Variants in RPGR observed in about 807,000 individuals in gnomAD.
RPGR encodes the protein retinitis pigmentosa GTPase regulator.
Under a neutral mutation model 56.3 loss-of-function variants are expected in RPGR, and 10 were observed. The ratio of observed to expected loss-of-function variants is 0.18; its 90% CI spans 0.11 to 0.30. The LOEUF (loss-of-function observed/expected upper bound fraction) is 0.30. Among genes scored for constraint, RPGR ranks in the 10% least tolerant of loss-of-function variants. RPGR has a pLI of 1.00. For synonymous variants in RPGR, 197 were observed against 212.9 expected, an observed-to-expected ratio of 0.93 and a Z score of 0.65; for missense variants, 538 against 590.9, an observed-to-expected ratio of 0.91 and a Z score of 0.93.
intron 8 of RPGR, among the ~76,000 whole-genome samples, chrX:38,303,326 A>AG (rs1402062019): frequency 9.0e-6 from 1 of 111,394 alleles, no homozygotes; most frequent in African/African-American, 3.3e-5. Flanking sequence ...GGAAAAAAAA[A>AG]AAAAATTCCA....
intron 11 of RPGR, among the ~76,000 whole-genome samples, chrX:38,294,890 C>G (rs1450077970): frequency 1.8e-5 from 2 of 111,999 alleles, no homozygotes; most frequent in Admixed American, 1.9e-4. Flanking sequence ...CATACACTAT[C>G]ATCTCCTGCA....
At chrX:38,272,836 A>G (rs935618041) in intron 18 of RPGR, among the ~76,000 whole-genome samples, 1 of 112,096 alleles carries the variant, frequency 8.9e-6, no homozygotes, top group African/African-American at 3.2e-5. Flanking sequence ...AGAAACTAAA[A>G]GTTTTAACTG....
intron 5 of RPGR, 152 bp from the exon 6 acceptor site, chrX:38,317,617 T>G: frequency 1.1e-5 from 5 of 468,412 alleles, no homozygotes; most frequent in Non-Finnish European, 1.1e-5. Flanking sequence ...ACCAGCTAGC[T>G]ACTTAAGAGT....
chrX:38,324,309 C>G (rs1030240157), intron 1 of RPGR, among the ~76,000 whole-genome samples: 1 of 110,972 alleles, frequency 9.0e-6, no homozygotes, highest in Admixed American at 9.6e-5. Flanking sequence ...GTCTCAAACT[C>G]CTGGTCTCAG....
chrX:38,277,704 T>A (rs1470301185), intron 15 of RPGR, among the ~76,000 whole-genome samples: 1 of 112,035 alleles, frequency 8.9e-6, no homozygotes, highest in African/African-American at 3.2e-5. Flanking sequence ...CTTGGCAATA[T>A]TTGCTTCAGA....
chrX:38,321,380 T>G (rs1258305956), intron 3 of RPGR, among the ~76,000 whole-genome samples: 1 of 111,424 alleles, frequency 9.0e-6, no homozygotes. Context: ...ACTCCACAGG[T>G]AGGCCGGGTG....
At chrX:38,318,453 T>C (rs1320486304) in intron 5 of RPGR, among the ~76,000 whole-genome samples, 1 of 111,092 alleles carries the variant, frequency 9.0e-6, no homozygotes, top group Non-Finnish European at 1.9e-5. Context: ...TAACAACATA[T>C]GCTGCAACAG....
intron 2 of RPGR, 51 bp from the exon 3 acceptor site, chrX:38,322,996 T>C (rs1569261935): frequency 2.9e-5 from 26 of 894,080 alleles, no homozygotes; most frequent in Non-Finnish European, 4.1e-5. Context: ...TCACATAATG[T>C]AAGATGAGGT....
intron 2 of RPGR, 96 bp from the exon 3 acceptor site, chrX:38,323,041 T>C: frequency 1.5e-6 from 1 of 666,939 alleles, no homozygotes; most frequent in South Asian, 2.3e-5. Context: ...ACTTTTAAAA[T>C]GTCACTGCTT....
At chrX:38,317,517 C>T (rs747533373) in intron 5 of RPGR, 52 bp from the exon 6 acceptor site, 1 of 1,068,266 alleles carries the variant, frequency 9.4e-7, no homozygotes, top group Non-Finnish European at 1.3e-6. Context: ...TAGCCAGGCT[C>T]TGAAGCTATT....
chrX:38,323,640 C>T, intron 1 of RPGR, 116 bp from the exon 2 acceptor site: 1 of 790,480 alleles, frequency 1.3e-6, no homozygotes, highest in African/African-American at 2.1e-5. Flanking sequence ...TTTGCCCCCA[C>T]TCTGGCAATG....
intron 11 of RPGR, among the ~76,000 whole-genome samples, chrX:38,294,806 T>C (rs938125451): frequency 1.8e-5 from 2 of 112,545 alleles, no homozygotes; most frequent in African/African-American, 6.5e-5. Flanking sequence ...GGTTGGTTTT[T>C]ATGTCTATAA....
At chrX:38,312,710 G>A (rs1375829379) in intron 6 of RPGR, among the ~76,000 whole-genome samples, 1 of 111,696 alleles carries the variant, frequency 9.0e-6, no homozygotes, top group African/African-American at 3.3e-5. Flanking sequence ...TTGGGAGGCC[G>A]AGGCTGGTGG....
In RPGR at chrX:38,299,077, A is replaced by C. The variant is rs1029476600; in HGVS notation, c.1124T>G (p.Ile375Ser). ...AGTATCATTTATTTCATCGAATTCA[A>C]TTTCTTTTGCCACACCACGATGAGG... The change falls in exon 10 of 19, where the codon ATT (isoleucine) becomes AGT (serine). Residue 375 changes from isoleucine (I) to serine (S), a missense_variant. Around this residue, in one of 2 missense-constraint regions of RPGR, gnomAD observed 357 missense variants for 325.8 expected, o/e 1.10. Coordinates refer to ENST00000642395, the MANE Select transcript of RPGR (RefSeq NM_000328.3). 8.3e-7 allele frequency: 1 copy of C among 1,210,000 alleles called. No homozygotes were observed. Among genetic ancestry groups the C allele is most frequent in the Non-Finnish European group, 1.1e-6 (1 of 895,256 alleles).
intron 3 of RPGR, among the ~76,000 whole-genome samples, chrX:38,322,246 A>G (rs1195221706): frequency 1.8e-5 from 2 of 112,014 alleles, no homozygotes. Context: ...GCTGATGTTC[A>G]CAGGTTATAC....
chrX:38,300,763 G>A (rs1057101425), intron 9 of RPGR, among the ~76,000 whole-genome samples: 3 of 111,758 alleles, frequency 2.7e-5, no homozygotes, highest in Non-Finnish European at 5.7e-5. Flanking sequence ...TTAAACTCCC[G>A]ATCTCAGGTG....
chrX:38,296,548 A>T (rs1046647133), intron 11 of RPGR, among the ~76,000 whole-genome samples: 1 of 111,527 alleles, frequency 9.0e-6, no homozygotes, highest in Admixed American at 9.5e-5. Flanking sequence ...TGAAATCTGT[A>T]TCTAATAGGT....
chrX:38,277,925 T>C (rs1569230611), intron 15 of RPGR, among the ~76,000 whole-genome samples: 1 of 112,306 alleles, frequency 8.9e-6, no homozygotes. Flanking sequence ...TACACCTTAA[T>C]AGTAAACATT....
intron 13 of RPGR, among the ~76,000 whole-genome samples, chrX:38,290,064 T>C (rs1406317635): frequency 1.8e-5 from 2 of 112,507 alleles, no homozygotes; most frequent in Non-Finnish European, 3.8e-5. Flanking sequence ...TTATTCACCA[T>C]GCCTTTCAGT....
Sources: gnomAD v4.1 joint callset for allele counts (sites outside exome capture counted in the v4.1 genomes callset) on GRCh38, gnomAD v4.1.1 for gene constraint, gnomAD v4.1.1 regional missense constraint, MANE v1.5 for transcripts, NCBI Gene and HGNC (gene_info 2026-07-23, HGNC 2026-07-21) for gene names.